SCAPER: variants seen among roughly 807,000 people sequenced by gnomAD.
SCAPER encodes the protein S phase cyclin A-associated protein in the endoplasmic reticulum.
Under a neutral mutation model 182.2 loss-of-function variants are expected in SCAPER, and 98 were observed. The observed-to-expected ratio is 0.54, with a 90% CI of 0.46 to 0.64. The LOEUF (loss-of-function observed/expected upper bound fraction) is 0.64. Ranked by LOEUF, SCAPER falls within the 30% of genes least tolerant of loss-of-function variation. SCAPER has a pLI of 0.00. For missense variants in SCAPER, 1,432 were observed against 1,690.0 expected, an observed-to-expected ratio of 0.85 and a Z score of 2.68; for synonymous variants, 605 against 564.6, an observed-to-expected ratio of 1.07 and a Z score of -1.01.
At chr15:76,637,300 T>C (rs553761321) in intron 21 of SCAPER, among the ~76,000 whole-genome samples, 8 of 152,330 alleles carry the variant, frequency 5.3e-5, no homozygotes, top group African/African-American at 4.8e-5. Flanking sequence ...AGAAATCCTA[T>C]GTTTAACTTT....
intron 9 of SCAPER, among the ~76,000 whole-genome samples, chr15:76,772,716 C>A (rs903683532): frequency 1.3e-5 from 2 of 151,752 alleles, no homozygotes; most frequent in African/African-American, 4.8e-5. Context: ...AAATACATAC[C>A]CATTTTTTAA....
intron 5 of SCAPER, among the ~76,000 whole-genome samples, chr15:76,818,859 G>A (rs879231266): frequency 6.6e-6 from 1 of 152,212 alleles, no homozygotes; most frequent in East Asian, 1.9e-4. Context: ...GGTGACAGAC[G>A]GCACCTGGAA....
chr15:76,765,701 G>T, intron 11 of SCAPER, 63 bp from the exon 12 acceptor site: 1 of 1,302,684 alleles, frequency 7.7e-7, no homozygotes, highest in South Asian at 1.3e-5. Context: ...TTTAGAAAAT[G>T]AACTATACAT....
chr15:76,683,688 C>G (rs952962166), intron 20 of SCAPER, among the ~76,000 whole-genome samples: 4 of 151,976 alleles, frequency 2.6e-5, no homozygotes. Context: ...ACAAAAGGAA[C>G]CCCTATCAAG....
At chr15:76,415,278 T>G (rs1276887280) in intron 26 of SCAPER, among the ~76,000 whole-genome samples, 1 of 152,242 alleles carries the variant, frequency 6.6e-6, no homozygotes, top group Non-Finnish European at 1.5e-5. Context: ...GTATTTGGTA[T>G]AAATTTTTGT....
At chr15:76,579,989 A>C (rs1117367) in intron 22 of SCAPER, among the ~76,000 whole-genome samples, 71,977 of 151,958 alleles carry the variant, frequency 0.47, 18,421 homozygotes, top group Middle Eastern at 0.64. Flanking sequence ...ATAAATATAT[A>C]TGCACCAAAT....
At chr15:76,771,544 TCTCA>T (rs1431406140) in intron 10 of SCAPER, among the ~76,000 whole-genome samples, 194 bp downstream of exon 10, 2 of 152,076 alleles carry the variant, frequency 1.3e-5, no homozygotes, top group Non-Finnish European at 2.9e-5. Context: ...ACTCTCACAA[TCTCA>T]CTTTCTTCCT....
At position 76,593,556 on chromosome 15, in the gene SCAPER, C is replaced by T. The variant is rs754915652; in HGVS notation, c.2712-19272G>A. ...CACCTCCCAGCAAGGGGTCAACAAA[C>T]ACCTCATACGGGAGAGCTCTGGCTG... On this transcript the variant is annotated intron_variant, in intron 22 of 31. Coordinates refer to ENST00000563290, the MANE Select transcript of SCAPER (RefSeq NM_020843.4). Among the ~76,000 whole-genome samples, 61 of 121,328 alleles carry T rather than the reference C, an allele frequency of 5.0e-4. 18 individuals carry two copies. The highest frequency in any genetic ancestry group is 9.9e-3 in the Middle Eastern group (2 of 202). 79.6% of individuals were successfully genotyped at this position (121,328 alleles called of 152,430 possible).
At chr15:76,796,176 C>T (rs1040329151) in intron 7 of SCAPER, among the ~76,000 whole-genome samples, 34 of 152,140 alleles carry the variant, frequency 2.2e-4, no homozygotes, top group African/African-American at 6.8e-4. Flanking sequence ...AAGCATGATG[C>T]CTCACTGACA....
chr15:76,793,672 T>A (rs564903517), intron 8 of SCAPER, among the ~76,000 whole-genome samples: 25 of 152,352 alleles, frequency 1.6e-4, no homozygotes, highest in African/African-American at 5.8e-4. Context: ...CATCTCTTCA[T>A]CTGTATCCTT....
At chr15:76,751,791 G>A (rs2062100667) in intron 15 of SCAPER, among the ~76,000 whole-genome samples, 1 of 151,412 alleles carries the variant, frequency 6.6e-6, no homozygotes, top group Admixed American at 6.6e-5. Flanking sequence ...GAAGACACAG[G>A]ATCAAAGTGT....
chr15:76,841,512 T>C (rs1340959543), intron 5 of SCAPER, among the ~76,000 whole-genome samples: 2 of 152,016 alleles, frequency 1.3e-5, no homozygotes, highest in Non-Finnish European at 2.9e-5. Flanking sequence ...CCAGGTGTGG[T>C]GGCATGTGCC....
intron 29 of SCAPER, among the ~76,000 whole-genome samples, chr15:76,373,220 G>T (rs1373381499): frequency 6.6e-6 from 1 of 151,898 alleles, no homozygotes; most frequent in African/African-American, 2.4e-5. Flanking sequence ...GCTAATTTCT[G>T]TATTTTTAGT....
At chr15:76,653,377 T>C (rs758426328) in intron 21 of SCAPER, among the ~76,000 whole-genome samples, 1 of 152,130 alleles carries the variant, frequency 6.6e-6, no homozygotes, top group Non-Finnish European at 1.5e-5. Context: ...CTAAAATTCA[T>C]ATGGAACCAA....
intron 21 of SCAPER, among the ~76,000 whole-genome samples, chr15:76,648,764 A>C: frequency 6.6e-6 from 1 of 152,254 alleles, no homozygotes. Context: ...AGCAAGCTGG[A>C]AGCTTGCATA....
Position 76,577,438 on chromosome 15 carries a change from C to T in SCAPER, c.2712-3154G>A, listed in dbSNP as rs141272171. ...CTCTAGCCTGGGTGAAAAAGCAATA[C>T]CCTGTTTCAAAAAGAAGAAGAAGAA... is the stretch of plus-strand genomic sequence containing the variant. On this transcript the variant is annotated intron_variant, in intron 22 of 31. Transcript: ENST00000563290. Among the ~76,000 whole-genome samples, 225 of 152,112 alleles carry T rather than the reference C, an allele frequency of 1.5e-3. 2 individuals carry two copies. Among genetic ancestry groups the T allele is most frequent in the African/African-American group, 5.2e-3 (215 of 41,482 alleles).
In SCAPER at chr15:76,662,112, G is replaced by A. The variant is rs561007475; in HGVS notation, c.2645+3541C>T. Among the ~76,000 whole-genome samples, 150 of 152,216 alleles carry A rather than the reference G, an allele frequency of 9.9e-4. No individual in the cohort carries two copies. In the Middle Eastern group the frequency reaches 0.014, roughly 14 times the overall value. On this transcript the variant is annotated intron_variant, in intron 21 of 31. Coordinates refer to ENST00000563290, the MANE Select transcript of SCAPER (RefSeq NM_020843.4). The stretch of plus-strand genomic sequence containing the variant: ...AACCAAACACTGCATGTTCTCACTC[G>A]TAAGTGGGAGCTGAACAATGAGAAC...
chr15:76,404,135 G>A (rs1462663939), intron 27 of SCAPER, among the ~76,000 whole-genome samples: 2 of 152,130 alleles, frequency 1.3e-5, no homozygotes, highest in African/African-American at 2.4e-5. Context: ...CATGAATGAC[G>A]GTAATGAGCA....
chr15:76,721,517 A>G (rs2150967803), intron 17 of SCAPER, among the ~76,000 whole-genome samples: 1 of 152,134 alleles, frequency 6.6e-6, no homozygotes, highest in Admixed American at 6.5e-5. Flanking sequence ...TACCTTGGGC[A>G]GTATGGCCAT....
Sources: gnomAD v4.1 joint callset for allele counts (sites outside exome capture counted in the v4.1 genomes callset) on GRCh38, gnomAD v4.1.1 for gene constraint, MANE v1.5 for transcripts, NCBI Gene and HGNC (gene_info 2026-07-23, HGNC 2026-07-21) for gene names.